LEPROT: variants seen among roughly 807,000 people sequenced by gnomAD.
LEPROT encodes leptin receptor gene-related protein.
LEPROT carries 3 observed loss-of-function variants against 15.4 expected under a neutral mutation model. The ratio of observed to expected loss-of-function variants is 0.19; its 90% CI spans 0.09 to 0.50. The LOEUF (loss-of-function observed/expected upper bound fraction) is 0.50, where lower values mean the gene tolerates loss of function less well. Ranked by LOEUF, LEPROT falls within the 20% of genes least tolerant of loss-of-function variation. LEPROT has a pLI of 0.97. For synonymous variants in LEPROT, 59 were observed against 57.5 expected, an observed-to-expected ratio of 1.03 and a Z score of -0.12; for missense variants, 137 against 162.2, an observed-to-expected ratio of 0.84 and a Z score of 0.84.
Position 65,431,897 on chromosome 1 carries a change from A to T in LEPROT, c.374A>T (p.Asp125Val). Residue 125 changes from aspartate (D) to valine (V), a missense_variant, in exon 4 of 4, where the codon GAT (aspartate) becomes GTT (valine). Transcript: ENST00000371065. ...GFFLIFGRGD[D>V]FSWEQW ...TTCCTTATATTTGGAAGAGGAGATG[A>T]TTTTAGCTGGGAGCAGTGGTAGCAC... is the stretch of plus-strand genomic sequence containing the variant. The T allele has an allele frequency of 6.2e-7, 1 of 1,614,002 alleles. No individual in the cohort carries two copies. The highest frequency in any genetic ancestry group is 8.5e-7 in the Non-Finnish European group (1 of 1,179,986).
intron 2 of LEPROT, among the ~76,000 whole-genome samples, chr1:65,426,052 T>C (rs900542820): frequency 7.0e-6 from 1 of 143,796 alleles, no homozygotes; most frequent in Non-Finnish European, 1.5e-5. Context: ...ATGCATACTG[T>C]CAGAGGTAGA....
chr1:65,431,157 C>T (rs1270617776), intron 3 of LEPROT, among the ~76,000 whole-genome samples: 2 of 152,110 alleles, frequency 1.3e-5, no homozygotes, highest in East Asian at 3.8e-4. Flanking sequence ...CTTTATTTTT[C>T]TTGTGCTTTA....
chr1:65,422,812 C>T (rs1237322748), intron 1 of LEPROT, among the ~76,000 whole-genome samples: 2 of 152,106 alleles, frequency 1.3e-5, no homozygotes, highest in African/African-American at 4.8e-5. Context: ...GTGAGTCAGG[C>T]GATGGTGAGC....
Position 65,434,961 on chromosome 1 carries a change from A to G in LEPROT, c.*3042A>G. The stretch of plus-strand genomic sequence containing the variant: ...TTCTCCACATCTGAAATTCCTTTTG[A>G]CACCTGCATTGGGCCGACTGCCATT... On this transcript the variant is annotated 3_prime_UTR_variant, in exon 4 of 4. Transcript: ENST00000371065. The G allele has an allele frequency of 1.0e-6, 1 of 985,506 alleles. No individual in the cohort carries two copies. The highest frequency in any genetic ancestry group is 1.2e-6 in the Non-Finnish European group (1 of 829,994). The allele number at this position is 985,506 out of a possible 1,614,324, so 61.0% of individuals were successfully genotyped here. A position where few individuals can be genotyped will look rare whatever the true frequency, so the allele number is the denominator to read the frequency against.
intron 2 of LEPROT, among the ~76,000 whole-genome samples, chr1:65,426,496 G>A (rs1646373620): frequency 6.6e-6 from 1 of 152,114 alleles, no homozygotes; most frequent in Admixed American, 6.5e-5. Flanking sequence ...ATAGGAAAGA[G>A]CTGAGACTGC....
chr1:65,426,763 C>A lies in LEPROT; in HGVS notation c.92+1385C>A, dbSNP rs141193937. On this transcript the variant is annotated intron_variant, in intron 2 of 3. Transcript: ENST00000371065. ...CCTGTAATCCCAGCACTTTGGGAGG[C>A]TGAGGCGGGCAGATCACGAGGTCAA... is the stretch of plus-strand genomic sequence containing the variant. Among the ~76,000 whole-genome samples the A allele has an allele frequency of 1.9e-4, 29 of 152,288 alleles. 2 individuals carry two copies. In the East Asian group the frequency reaches 5.6e-3, roughly 29 times the overall value.
rs1570437334 is a variant in LEPROT, at chr1:65,432,479, A to T, written c.*560A>T. 1 of 592,534 alleles carries T rather than the reference A, an allele frequency of 1.7e-6. No individual in the cohort carries two copies. The highest frequency in any genetic ancestry group is 2.1e-6 in the Non-Finnish European group (1 of 470,904). The allele number at this position is 592,534 out of a possible 1,614,324, so 36.7% of individuals were successfully genotyped here. A position where few individuals can be genotyped will look rare whatever the true frequency, so the allele number is the denominator to read the frequency against. On this transcript the variant is annotated 3_prime_UTR_variant, in exon 4 of 4. Transcript: ENST00000371065. The stretch of plus-strand genomic sequence containing the variant: ...ACATGAAAGTTTGAGAAGCATCATC[A>T]TAGAGAAGTAAACATCACACCCAAC...
At position 65,433,143 on chromosome 1, in the gene LEPROT, C is replaced by T. The variant is rs1646511346; in HGVS notation, c.*1224C>T. 2.0e-6 allele frequency: 2 copies of T among 985,334 alleles called. No individual in the cohort carries two copies. The highest frequency in any genetic ancestry group is 4.7e-5 in the South Asian group (1 of 21,286). 61.0% of individuals were successfully genotyped at this position (985,334 alleles called of 1,614,324 possible). A position where few individuals can be genotyped will look rare whatever the true frequency, so the allele number is the denominator to read the frequency against. On this transcript the variant is annotated 3_prime_UTR_variant, in exon 4 of 4. Transcript: ENST00000371065. ...TTTACATTTCCTTTATGATCTGGCA[C>T]TTCTCCCCAGCTCCTTCCCTCTGCC...
chr1:65,431,716 A>C, intron 3 of LEPROT, 87 bp from the exon 4 acceptor site: 2 of 1,354,894 alleles, frequency 1.5e-6, no homozygotes, highest in Non-Finnish European at 1.0e-6. Context: ...ATTTCATTGG[A>C]TGTTTCTAAT....
intron 2 of LEPROT, among the ~76,000 whole-genome samples, chr1:65,426,084 C>T (rs191486467): frequency 7.2e-5 from 11 of 152,104 alleles, no homozygotes; most frequent in South Asian, 4.2e-4. Context: ...AGATGAAGAG[C>T]ACAGAAGCTG....
intron 1 of LEPROT, among the ~76,000 whole-genome samples, chr1:65,421,136 TG>T (rs1570405301): frequency 6.6e-6 from 1 of 152,344 alleles, no homozygotes; most frequent in East Asian, 1.9e-4. Context: ...AAGGACCCTT[TG>T]TCTCCAGCGT....
At chr1:65,423,784 AGTTT>A (rs757475754) in intron 1 of LEPROT, among the ~76,000 whole-genome samples, 1 of 152,212 alleles carries the variant, frequency 6.6e-6, no homozygotes, top group Non-Finnish European at 1.5e-5. Flanking sequence ...TTAATTAATT[AGTTT>A]AATACTAATT....
intron 2 of LEPROT, 118 bp from the exon 3 acceptor site, chr1:65,429,744 A>C: frequency 1.2e-6 from 1 of 851,226 alleles, no homozygotes; most frequent in Middle Eastern, 4.1e-4. Flanking sequence ...ATTCACAATT[A>C]ATTAATTTTT....
chr1:65,423,556 G>A (rs1021937345), intron 1 of LEPROT, among the ~76,000 whole-genome samples: 1 of 152,118 alleles, frequency 6.6e-6, no homozygotes, highest in Non-Finnish European at 1.5e-5. Flanking sequence ...TCATCTGAAT[G>A]AAATAGTATG....
chr1:65,435,977 T>C lies in LEPROT; in HGVS notation c.*4058T>C. 2 of 984,990 alleles carry C rather than the reference T, an allele frequency of 2.0e-6. No individual in the cohort carries two copies. The highest frequency in any genetic ancestry group is 2.4e-6 in the Non-Finnish European group (2 of 829,498). The allele number at this position is 984,990 out of a possible 1,614,324, so 61.0% of individuals were successfully genotyped here. A position where few individuals can be genotyped will look rare whatever the true frequency, so the allele number is the denominator to read the frequency against. On this transcript the variant is annotated 3_prime_UTR_variant, in exon 4 of 4. Transcript: ENST00000371065. Reference sequence around the variant, plus strand: ...AATGTGATGTGAGAGGACGATTACTTTGTAAATAAAACTTGTTATTGACAT... The same window carrying C: ...AATGTGATGTGAGAGGACGATTACTCTGTAAATAAAACTTGTTATTGACAT...
intron 3 of LEPROT, 143 bp downstream of exon 3, chr1:65,430,191 G>T (rs1214489871): frequency 4.6e-6 from 3 of 648,072 alleles, no homozygotes; most frequent in Non-Finnish European, 7.1e-6. Flanking sequence ...CTCTACTTTA[G>T]ACCTGCCTAA....
At position 65,434,100 on chromosome 1, in the gene LEPROT, TGATTGTATCTTTA is replaced by T; in HGVS notation, c.*2187_*2199del. The T allele has an allele frequency of 5.1e-6, 5 of 984,910 alleles. No homozygotes were observed. The highest frequency in any genetic ancestry group is 6.0e-6 in the Non-Finnish European group (5 of 829,430). The allele number at this position is 984,910 out of a possible 1,614,324, so 61.0% of individuals were successfully genotyped here. ...TATGTAGCCTTAAAGCATTACCTCT[TGATTGTATCTTTA>T]GATTGATATAAAGTACTTGCATATA... is the stretch of plus-strand genomic sequence containing the variant. On this transcript the variant is annotated 3_prime_UTR_variant, in exon 4 of 4. Transcript: ENST00000371065.
chr1:65,429,747 T>C (rs1646449997), intron 2 of LEPROT, 115 bp from the exon 3 acceptor site: 2 of 889,266 alleles, frequency 2.2e-6, no homozygotes, highest in Admixed American at 2.8e-5. Flanking sequence ...CACAATTAAT[T>C]AATTTTTTGA....
chr1:65,423,262 G>A (rs1219337871), intron 1 of LEPROT, among the ~76,000 whole-genome samples: 3 of 152,124 alleles, frequency 2.0e-5, no homozygotes, highest in Non-Finnish European at 2.9e-5. Flanking sequence ...GGAGCTTTGG[G>A]TTGAACATAA....
Sources: gnomAD v4.1 joint callset for allele counts (sites outside exome capture counted in the v4.1 genomes callset) on GRCh38, gnomAD v4.1.1 for gene constraint, MANE v1.5 for transcripts, NCBI Gene and HGNC (gene_info 2026-07-23, HGNC 2026-07-21) for gene names.